The following FAM118A variants were observed in gnomAD, a reference collection of about 807,000 sequenced individuals.
The protein encoded by FAM118A is SIR2 antiphage like 2.
A neutral mutation model predicts 38.2 loss-of-function variants in FAM118A; 25 were observed. That is an observed-to-expected ratio of 0.65 (90% CI 0.48 to 0.91). The LOEUF (loss-of-function observed/expected upper bound fraction) is 0.91, where lower values mean the gene tolerates loss of function less well. Ranked by LOEUF, FAM118A falls within the 40% of genes least tolerant of loss-of-function variation. The pLI is 0.00. For synonymous variants in FAM118A, 178 were observed against 184.1 expected (o/e 0.97, Z 0.27); for missense variants, 425 against 463.3 (o/e 0.92, Z 0.76).
chr22:45,328,789 G>T, intron 4 of FAM118A: 2 of 207,736 alleles, frequency 9.6e-6, no homozygotes, highest in Non-Finnish European at 1.9e-5. Context: ...AAAAACAAAA[G>T]AAAAAAAAAA....
chr22:45,339,394 G>A (rs1380875950), intron 8 of FAM118A, among the ~76,000 whole-genome samples: 5 of 152,210 alleles, frequency 3.3e-5, no homozygotes, highest in African/African-American at 4.8e-5. Flanking sequence ...GCAAGACTCC[G>A]TTTCAAAAAA....
chr22:45,332,232 C>T (rs868727073), intron 5 of FAM118A, among the ~76,000 whole-genome samples, 193 bp from the exon 6 acceptor site: 20 of 152,004 alleles, frequency 1.3e-4, no homozygotes, highest in Admixed American at 3.9e-4. Flanking sequence ...TTTGCTGCCA[C>T]AGGCTGCTGC....
At chr22:45,319,002 A>T (rs1313302382) in intron 1 of FAM118A, 1 of 152,212 alleles carries the variant, frequency 6.6e-6, no homozygotes, top group African/African-American at 2.4e-5. Flanking sequence ...CTTTTGAGAA[A>T]CTTTGAAATC....
At chr22:45,337,713 C>G (rs2086205477) in intron 8 of FAM118A, 1 of 431,696 alleles carries the variant, frequency 2.3e-6, no homozygotes, top group South Asian at 9.7e-5. Flanking sequence ...CCCTCCTTCT[C>G]TCTGAGATGG....
Position 45,336,284 on chromosome 22 carries a change from G to A in FAM118A, c.971-44G>A, listed in dbSNP as rs139191045. Reference sequence around the variant, plus strand: ...CATTATGAACTGTGCCTTGGCGAGTGGATTCTGAATAAACAAGCTTCTTAA... The same window carrying A: ...CATTATGAACTGTGCCTTGGCGAGTAGATTCTGAATAAACAAGCTTCTTAA... On this transcript the variant is annotated intron_variant, in intron 7 of 8. Coordinates refer to ENST00000441876, the MANE Select transcript of FAM118A (RefSeq NM_017911.4). 229 of 1,524,416 alleles carry A rather than the reference G, an allele frequency of 1.5e-4. No homozygotes were observed. The African/African-American group carries it at 2.8e-3, about 19-fold the overall frequency. 94.4% of individuals were successfully genotyped at this position (1,524,416 alleles called of 1,614,324 possible). A position where few individuals can be genotyped will look rare whatever the true frequency, so the allele number is the denominator to read the frequency against.
In FAM118A at chr22:45,323,255, C is replaced by T. The variant is rs750336393; in HGVS notation, c.128C>T (p.Ala43Val). ...GGGACTGGCGTCAGCGCAGCAGTGG[C>T]CCCCGGAATCCCTGCCCTTTGCTCG... is the stretch of plus-strand genomic sequence containing the variant. Reference protein sequence around the residue: ...VIGTGVSAAVAPGIPALCSWR... With the variant: ...VIGTGVSAAVVPGIPALCSWR... Residue 43 changes from alanine (A) to valine (V), a missense_variant, in exon 3 of 9, where the codon GCC becomes GTC. Coordinates refer to ENST00000441876, the MANE Select transcript of FAM118A (RefSeq NM_017911.4). 3.7e-6 allele frequency: 6 copies of T among 1,614,156 alleles called. No homozygotes were observed. Among genetic ancestry groups the T allele is most frequent in the South Asian group, 3.3e-5 (3 of 91,086 alleles).
intron 1 of FAM118A, among the ~76,000 whole-genome samples, chr22:45,311,468 A>G (rs2084362324): frequency 1.3e-5 from 2 of 152,140 alleles, no homozygotes; most frequent in South Asian, 2.1e-4. Flanking sequence ...CAGGGGGAGA[A>G]GTGAGGGAAG....
chr22:45,332,717 G>A lies in FAM118A; in HGVS notation c.937+7G>A. ...TGCAAACAGCAAAGCCCAGGTATGG[G>A]ATCTGGCTTCACTTTCCTTTTTCTT... On this transcript the variant is annotated splice_region_variant and intron_variant, in intron 6 of 8. Coordinates refer to ENST00000441876, the MANE Select transcript of FAM118A (RefSeq NM_017911.4). 1 of 1,556,006 alleles carries A rather than the reference G, an allele frequency of 6.4e-7. No individual in the cohort carries two copies. Among genetic ancestry groups the A allele is most frequent in the Non-Finnish European group, 8.7e-7 (1 of 1,155,494 alleles).
chr22:45,318,239 C>T (rs549654427), intron 1 of FAM118A, among the ~76,000 whole-genome samples: 1 of 152,090 alleles, frequency 6.6e-6, no homozygotes, highest in South Asian at 2.1e-4. Context: ...TTAAAAAAGA[C>T]AGGAACTGCT....
At position 45,332,317 on chromosome 22, in the gene FAM118A, C is replaced by T. The variant is rs139203194; in HGVS notation, c.652-108C>T. ...GTGCTCCTCAGCGTGGCCCTGGGAA[C>T]GCCTGTCAGGGAGCAGTGATGTAAA... On this transcript the variant is annotated intron_variant, in intron 5 of 8. Coordinates refer to ENST00000441876, the MANE Select transcript of FAM118A (RefSeq NM_017911.4). 7.2e-5 allele frequency: 87 copies of T among 1,203,052 alleles called. 1 individual carries two copies. Among genetic ancestry groups the T allele is most frequent in the Admixed American group, 3.8e-4 (18 of 47,242 alleles). The allele number at this position is 1,203,052 out of a possible 1,614,324, so 74.5% of individuals were successfully genotyped here. A position where few individuals can be genotyped will look rare whatever the true frequency, so the allele number is the denominator to read the frequency against.
intron 8 of FAM118A, 42 bp from the exon 9 acceptor site, chr22:45,340,344 T>C: frequency 6.2e-7 from 1 of 1,612,570 alleles, no homozygotes; most frequent in Non-Finnish European, 8.5e-7. Flanking sequence ...TTCTTTTAGC[T>C]GGACTTTAAC....
At chr22:45,339,189 G>A (rs1393105569) in intron 8 of FAM118A, among the ~76,000 whole-genome samples, 1 of 152,188 alleles carries the variant, frequency 6.6e-6, no homozygotes, top group African/African-American at 2.4e-5. Context: ...TGAATCACCT[G>A]AGGCCAGGTC....
chr22:45,318,655 C>A (rs1198064714), intron 1 of FAM118A: 1 of 152,212 alleles, frequency 6.6e-6, no homozygotes, highest in Non-Finnish European at 1.5e-5. Flanking sequence ...TGTCTTTAAA[C>A]ATGTAGTGTG....
At chr22:45,323,073 G>A in intron 2 of FAM118A, 102 bp from the exon 3 acceptor site, 1 of 1,242,932 alleles carries the variant, frequency 8.0e-7, no homozygotes, top group Non-Finnish European at 1.1e-6. Flanking sequence ...GTGTGTGTGT[G>A]TGTACACAGC....
At position 45,322,389 on chromosome 22, in the gene FAM118A, G is replaced by T. The variant is rs545355744; in HGVS notation, c.10G>T (p.Val4Leu). 6 of 1,611,260 alleles carry T rather than the reference G, an allele frequency of 3.7e-6. No individual in the cohort carries two copies. Among genetic ancestry groups the T allele is most frequent in the South Asian group, 1.1e-5 (1 of 89,954 alleles). Residue 4 changes from valine to leucine, a missense_variant, in exon 2 of 9, where the codon GTG becomes TTG. By Grantham distance (32) the Val-to-Leu change is conservative. Transcript: ENST00000441876. ...TCTTTAGAATTCACAGATGGATTCA[G>T]TGGAAAAGACAACAAATAGAAGTGA... MDSVEKTTNRSEQK... is the reference protein window; with the variant it reads MDSLEKTTNRSEQK...
At chr22:45,311,167 A>G (rs1356183492) in intron 1 of FAM118A, among the ~76,000 whole-genome samples, 1 of 152,102 alleles carries the variant, frequency 6.6e-6, no homozygotes, top group Non-Finnish European at 1.5e-5. Context: ...AGGTGAGCTG[A>G]TTCTTGAAGG....
At chr22:45,335,286 G>C in intron 6 of FAM118A, 64 bp from the exon 7 acceptor site, 1 of 1,588,732 alleles carries the variant, frequency 6.3e-7, no homozygotes, top group Non-Finnish European at 8.6e-7. Flanking sequence ...ACTGCCTCAG[G>C]GTGGCCGAGG....
At chr22:45,331,311 G>C (rs1157562483) in intron 5 of FAM118A, among the ~76,000 whole-genome samples, 5 of 152,090 alleles carry the variant, frequency 3.3e-5, no homozygotes, top group African/African-American at 1.2e-4. Context: ...GCAACAGAGC[G>C]ATACCTCATT....
Position 45,310,110 on chromosome 22 carries a change from C to A in FAM118A, c.-83C>A, listed in dbSNP as rs2084295767. 6.6e-6 allele frequency: 1 copy of A among 152,056 alleles called. No individual in the cohort carries two copies. Among genetic ancestry groups the A allele is most frequent in the South Asian group, 2.1e-4 (1 of 4,830 alleles). The allele number at this position is 152,056 out of a possible 1,614,324, so 9.4% of individuals were successfully genotyped here. A position where few individuals can be genotyped will look rare whatever the true frequency, so the allele number is the denominator to read the frequency against. On this transcript the variant is annotated 5_prime_UTR_variant, in exon 1 of 9. Transcript: ENST00000441876. ...AGGGGTGCGCGGCCGCCGAGAGACC[C>A]CGGAGGCGTAGCCGGCTGCGGAGGC...
Sources: allele counts gnomAD v4.1 joint callset (sites outside exome capture counted in the v4.1 genomes callset), GRCh38; gene constraint gnomAD v4.1.1; transcripts MANE v1.5; gene names NCBI Gene and HGNC (gene_info 2026-07-23, HGNC 2026-07-21).